Variants in SYT8 observed in about 807,000 individuals in gnomAD.
SYT8 encodes synaptotagmin-8.
A neutral mutation model predicts 34.9 loss-of-function variants in SYT8; 50 were observed. The ratio of observed to expected loss-of-function variants is 1.43; its 90% CI spans 1.14 to 1.81. SYT8 has a LOEUF of 1.81. Among genes scored for constraint, SYT8 ranks in the 40% most tolerant of loss-of-function variants. SYT8 has a pLI of 0.00. For synonymous variants in SYT8, 255 were observed against 234.2 expected, an observed-to-expected ratio of 1.09 and a Z score of -0.81; for missense variants, 595 against 529.0, an observed-to-expected ratio of 1.12 and a Z score of -1.22.
rs1479495766 is a variant in SYT8, at chr11:1,835,384, C to T, written c.183C>T (p.Arg61=). 3 of 1,608,528 alleles carry T rather than the reference C, an allele frequency of 1.9e-6. No homozygotes were observed. Among genetic ancestry groups the T allele is most frequent in the East Asian group, 4.5e-5 (2 of 44,874 alleles). ...TCTGTGCTGCCTGCTGCTGCTGCCG[C>T]CGCCACAGGAAGAAGCCCAGGGACA... is the stretch of plus-strand genomic sequence containing the variant. ...CLLCAACCCC[R]RHRKKPRDKE... Residue 61 remains arginine, a synonymous_variant, in exon 2 of 8, where the codon CGC becomes CGT. Transcript: ENST00000341958.
chr11:1,835,718 T>C (rs959234972), intron 2 of SYT8, 168 bp from the exon 3 acceptor site: 1 of 757,982 alleles, frequency 1.3e-6, no homozygotes, highest in Non-Finnish European at 2.2e-6. Context: ...ACGTTTTGGG[T>C]GGGTTTGGCC....
At chr11:1,835,780 G>T in intron 2 of SYT8, 106 bp from the exon 3 acceptor site, 1 of 1,008,418 alleles carries the variant, frequency 9.9e-7, no homozygotes. Context: ...GCCTGGCCTG[G>T]AGGCGGGGGG....
At chr11:1,835,518 G>C (rs751679658) in intron 2 of SYT8, 59 bp downstream of exon 2, 1 of 1,588,326 alleles carries the variant, frequency 6.3e-7, no homozygotes, top group Non-Finnish European at 8.6e-7. Context: ...AGGCTCCAGA[G>C]CCCAGGGCAG....
intron 5 of SYT8, 29 bp from the exon 6 acceptor site, chr11:1,836,727 C>T (rs374906173): frequency 2.3e-4 from 362 of 1,603,308 alleles, no homozygotes; most frequent in Non-Finnish European, 2.8e-4. Context: ...ATCACCCTCC[C>T]GGGCTGAAGC....
At chr11:1,834,740 A>G (rs1279824605), upstream of SYT8, 10 of 950,626 alleles carry the variant, frequency 1.1e-5, no homozygotes, top group Non-Finnish European at 1.5e-5. This position sits in a 1 kb window ranked among gnomAD's most constrained non-coding sequence, Gnocchi z 4.5. Context: ...AGGGAGGGAG[A>G]GAGCTTCCTG....
At chr11:1,836,897 G>C (rs759164928) in intron 6 of SYT8, 36 bp downstream of exon 6, 35 of 1,612,694 alleles carry the variant, frequency 2.2e-5, no homozygotes, top group African/African-American at 1.7e-4. Context: ...TTGTACAGAG[G>C]GGGGGCCCGT....
At chr11:1,835,758 G>T (rs182800986) in intron 2 of SYT8, 128 bp from the exon 3 acceptor site, 305 of 864,168 alleles carry the variant, frequency 3.5e-4, no homozygotes, top group Non-Finnish European at 1.5e-5. Flanking sequence ...GACGATTTGT[G>T]CCTGTTGGGT....
At position 1,837,350 on chromosome 11, in the gene SYT8, C is replaced by T. The variant is rs765027292; in HGVS notation, c.1083C>T (p.Pro361=). The part of the protein sequence containing the change: ...HARRPIAQRH[P]LRPAREVDRM... Reference sequence around the variant, plus strand: ...GGCGGCCCATTGCCCAGCGGCACCCCCTGCGGCCAGCCAGGGAGGTGGACC... The same window carrying T: ...GGCGGCCCATTGCCCAGCGGCACCCTCTGCGGCCAGCCAGGGAGGTGGACC... Residue 361 remains proline, a synonymous_variant, in exon 8 of 8, where the codon CCC becomes CCT. Transcript: ENST00000341958. The T allele has an allele frequency of 2.6e-5, 41 of 1,594,766 alleles. No homozygotes were observed. Among genetic ancestry groups the T allele is most frequent in the Non-Finnish European group, 3.4e-5 (40 of 1,175,274 alleles).
Position 1,836,964 on chromosome 11 carries a change from C to T in SYT8, c.798C>T (p.Tyr266=), listed in dbSNP as rs149017446. The T allele has an allele frequency of 3.6e-4, 574 of 1,613,626 alleles. 5 individuals carry two copies. The African/African-American group carries it at 6.8e-3, about 19-fold the overall frequency. ...RGLRPGLAEP[Y]VKVQLMLNQR... Reference sequence around the variant, plus strand: ...GCAACCTTGCCCTCCCAGAGCCCTACGTGAAGGTCCAGCTCATGCTGAACC... The same window carrying T: ...GCAACCTTGCCCTCCCAGAGCCCTATGTGAAGGTCCAGCTCATGCTGAACC... Residue 266 remains tyrosine (Y), a synonymous_variant, in exon 7 of 8, where the codon TAC becomes TAT. Transcript: ENST00000341958.
upstream of SYT8, among the ~76,000 whole-genome samples, chr11:1,832,074 G>A (rs778270434): frequency 5.8e-4 from 88 of 152,360 alleles, no homozygotes; most frequent in Non-Finnish European, 1.1e-3. Context: ...CTAACATGAA[G>A]TCTAAAGGAG....
Position 1,837,178 on chromosome 11 carries a change from C to A in SYT8, c.925-14C>A. The A allele has an allele frequency of 1.3e-6, 2 of 1,583,502 alleles. No homozygotes were observed. Among genetic ancestry groups the A allele is most frequent in the Non-Finnish European group, 1.7e-6 (2 of 1,163,650 alleles). ...TTCTCCCCCAACTCCAACCTCTGGC[C>A]TGTCTCTGCACAGAATGTGGACCTG... On this transcript the variant is annotated splice_polypyrimidine_tract_variant and intron_variant, in intron 7 of 7. Transcript: ENST00000341958.
In SYT8 at chr11:1,835,152, CCA is replaced by C. The variant is rs759578631; in HGVS notation, c.50_51del (p.Thr17SerfsTer73). ...CCCAGTGCCCCGGCCCCAGCTGGCA[CCA>C]CAGCTATACCTGGGCTTATTCCAGA... On this transcript the variant is annotated frameshift_variant, in exon 1 of 8. Transcript: ENST00000341958. LOFTEE classifies it high-confidence loss of function. The C allele has an allele frequency of 1.2e-5, 19 of 1,613,388 alleles. No homozygotes were observed. Among genetic ancestry groups the C allele is most frequent in the Non-Finnish European group, 1.2e-5 (14 of 1,179,958 alleles).
upstream of SYT8, chr11:1,831,924 C>T (rs189935053): frequency 4.4e-5 from 16 of 362,656 alleles, no homozygotes; most frequent in Middle Eastern, 3.8e-4. Flanking sequence ...TGGGGGGCTG[C>T]CAGCCCCAGC....
Position 1,837,043 on chromosome 11 carries a change from T to G in SYT8, c.877T>G (p.Tyr293Asp). The change falls in exon 7 of 8, where the codon TAC (tyrosine) becomes GAC (aspartate). Residue 293 changes from tyrosine to aspartate, a missense_variant. By Grantham distance (160) the Tyr-to-Asp change is radical. Transcript: ENST00000341958. ...CACCAAAAAGGGCACGGCGGCCCCC[T>G]ACTTCAATGAGGCCTTCACCTTCCT... ...TATKKGTAAPYFNEAFTFLVP... is the reference protein window; with the variant it reads ...TATKKGTAAPDFNEAFTFLVP... 2.5e-6 allele frequency: 4 copies of G among 1,613,770 alleles called. No homozygotes were observed. Among genetic ancestry groups the G allele is most frequent in the Non-Finnish European group, 3.4e-6 (4 of 1,180,000 alleles).
upstream of SYT8, chr11:1,834,667 C>T (rs1300675783): frequency 1.3e-6 from 2 of 1,517,636 alleles, no homozygotes; most frequent in Non-Finnish European, 1.8e-6. The surrounding 1 kb of genome is among the most constrained non-coding windows in gnomAD (Gnocchi z 4.5). Context: ...AGAGATGAGA[C>T]CCCCAGGGAT....
At chr11:1,836,625 G>C (rs576036611) in intron 5 of SYT8, 33 bp downstream of exon 5, 10 of 1,603,710 alleles carry the variant, frequency 6.2e-6, no homozygotes, top group Middle Eastern at 1.8e-4. Flanking sequence ...ACAGCCCAAG[G>C]CAGAGCTGGC....
At position 1,837,465 on chromosome 11, in the gene SYT8, C is replaced by T; in HGVS notation, c.*34C>T. On this transcript the variant is annotated 3_prime_UTR_variant, in exon 8 of 8. Transcript: ENST00000341958. ...CATGCCTCTGTCTCCCCGCTGAGCCCAGGCACTTGCCCAGGCCGCCCTGCA... is the reference window on the plus strand; with the variant it reads ...CATGCCTCTGTCTCCCCGCTGAGCCTAGGCACTTGCCCAGGCCGCCCTGCA... 6.3e-7 allele frequency: 1 copy of T among 1,596,526 alleles called. No homozygotes were observed. Among genetic ancestry groups the T allele is most frequent in the Non-Finnish European group, 8.5e-7 (1 of 1,175,622 alleles).
At chr11:1,832,032 A>G (rs1379988832), upstream of SYT8, 1 of 338,066 alleles carries the variant, frequency 3.0e-6, no homozygotes, top group Non-Finnish European at 6.0e-6. Context: ...GGAGGGAAGC[A>G]TTAGCAAGCC....
Position 1,836,112 on chromosome 11 carries a change from C to T in SYT8, c.358-14C>T. 3 of 1,506,532 alleles carry T rather than the reference C, an allele frequency of 2.0e-6. No homozygotes were observed. Among genetic ancestry groups the T allele is most frequent in the Non-Finnish European group, 1.8e-6 (2 of 1,127,760 alleles). The allele number at this position is 1,506,532 out of a possible 1,614,324, so 93.3% of individuals were successfully genotyped here. ...GCAGGGGCCCTTGGCTGAGCCCACC[C>T]CGCTGGCTCCCAGATCAGGGTGGGC... is the stretch of plus-strand genomic sequence containing the variant. On this transcript the variant is annotated splice_polypyrimidine_tract_variant and intron_variant, in intron 3 of 7. Coordinates refer to ENST00000341958, the MANE Select transcript of SYT8 (RefSeq NM_001394072.1).
Sources: gnomAD v4.1 joint callset for allele counts (sites outside exome capture counted in the v4.1 genomes callset) on GRCh38, gnomAD v4.1.1 for gene constraint, Gnocchi (gnomAD v3.1) non-coding constraint, MANE v1.5 for transcripts, NCBI Gene and HGNC (gene_info 2026-07-23, HGNC 2026-07-21) for gene names.